Variants in BTBD9 observed in about 807,000 individuals in gnomAD.
BTBD9 encodes the protein BTB/POZ domain-containing protein 9.
BTBD9 carries 49 observed loss-of-function variants against 64.3 expected under a neutral mutation model. The ratio of observed to expected loss-of-function variants is 0.76; its 90% confidence interval spans 0.61 to 0.97. The LOEUF (loss-of-function observed/expected upper bound fraction) is 0.97, where lower values mean the gene tolerates loss of function less well. BTBD9 is among the 50% of genes least tolerant of loss of function. The pLI, the probability that BTBD9 is intolerant of heterozygous loss-of-function variation, is 0.00. For synonymous variants in BTBD9, 260 were observed against 274.7 expected, an observed-to-expected ratio of 0.95 and a Z score of 0.53; for missense variants, 598 against 762.1, an observed-to-expected ratio of 0.78 and a Z score of 2.53.
chr6:38,399,661 C>T (rs76280722), intron 6 of BTBD9, among the ~76,000 whole-genome samples: 1,970 of 152,208 alleles, frequency 0.013, 44 homozygotes, highest in African/African-American at 0.045. Context: ...GAACCCATAG[C>T]TGCCTAGAAT....
intron 7 of BTBD9, among the ~76,000 whole-genome samples, chr6:38,341,579 A>G (rs1011667597): frequency 6.6e-6 from 1 of 152,262 alleles, no homozygotes; most frequent in African/African-American, 2.4e-5. Context: ...CAAAAAGCAG[A>G]AAAACTTGGC....
intron 7 of BTBD9, among the ~76,000 whole-genome samples, chr6:38,321,857 C>T (rs1763247909): frequency 6.6e-6 from 1 of 151,770 alleles, no homozygotes. Context: ...CTACACACCA[C>T]ACATATTTAC....
chr6:38,303,600 C>G (rs1353682861), intron 7 of BTBD9, among the ~76,000 whole-genome samples: 1 of 151,796 alleles, frequency 6.6e-6, no homozygotes, highest in Non-Finnish European at 1.5e-5. Context: ...TCCACCTACG[C>G]TATGCCTTAC....
intron 8 of BTBD9, among the ~76,000 whole-genome samples, chr6:38,267,941 A>AAAAAC (rs1229859467): frequency 6.6e-6 from 1 of 152,192 alleles, no homozygotes; most frequent in Non-Finnish European, 1.5e-5. Flanking sequence ...CTCCGTCTCA[A>AAAAAC]AAAACAAAAC....
chr6:38,315,306 C>T (rs1031633110), intron 7 of BTBD9, among the ~76,000 whole-genome samples: 1 of 152,170 alleles, frequency 6.6e-6, no homozygotes, highest in Non-Finnish European at 1.5e-5. Flanking sequence ...TTTATTCTCT[C>T]TTTTCTTCTA....
chr6:38,497,888 A>G (rs917469675), intron 6 of BTBD9, among the ~76,000 whole-genome samples: 80 of 152,232 alleles, frequency 5.3e-4, no homozygotes, highest in African/African-American at 1.9e-3. Flanking sequence ...GGCTACAGTC[A>G]AACTGCAAGC....
At chr6:38,361,773 G>A (rs2127598368) in intron 6 of BTBD9, among the ~76,000 whole-genome samples, 1 of 150,210 alleles carries the variant, frequency 6.7e-6, no homozygotes, top group East Asian at 2.0e-4. Context: ...CCAGGAGGCA[G>A]AATTTGCAGT....
chr6:38,468,339 A>C (rs1459803143), intron 6 of BTBD9, among the ~76,000 whole-genome samples: 6 of 152,184 alleles, frequency 3.9e-5, no homozygotes, highest in Non-Finnish European at 5.9e-5. Context: ...AACATTCCCT[A>C]CATACCTCGC....
At chr6:38,485,024 T>C (rs1771332950) in intron 6 of BTBD9, among the ~76,000 whole-genome samples, 1 of 152,250 alleles carries the variant, frequency 6.6e-6, no homozygotes, top group Admixed American at 6.5e-5. Context: ...TCTTTCAAAA[T>C]TGAGGTCAAT....
chr6:38,556,093 C>G (rs976561286), intron 6 of BTBD9, among the ~76,000 whole-genome samples: 1 of 152,150 alleles, frequency 6.6e-6, no homozygotes, highest in African/African-American at 2.4e-5. Context: ...AATGAATATT[C>G]AGCTAACAAG....
chr6:38,495,198 ATC>A (rs1771897398), intron 6 of BTBD9, among the ~76,000 whole-genome samples: 1 of 152,216 alleles, frequency 6.6e-6, no homozygotes, highest in South Asian at 2.1e-4. Flanking sequence ...GGCAAATAAC[ATC>A]TCTGTGTTTC....
At chr6:38,405,429 G>T (rs1340272191) in intron 6 of BTBD9, among the ~76,000 whole-genome samples, 2 of 152,134 alleles carry the variant, frequency 1.3e-5, no homozygotes, top group African/African-American at 2.4e-5. Context: ...AAGCTAAATT[G>T]CTATGACCTG....
chr6:38,442,363 G>A (rs1769072200), intron 6 of BTBD9, among the ~76,000 whole-genome samples: 1 of 152,060 alleles, frequency 6.6e-6, no homozygotes, highest in South Asian at 2.1e-4. Context: ...GTGCCTGCCT[G>A]TAGTCCCAGC....
At chr6:38,416,501 ATTTTTTTT>A (rs70981549) in intron 6 of BTBD9, among the ~76,000 whole-genome samples, 2 of 86,772 alleles carry the variant, frequency 2.3e-5, no homozygotes, top group African/African-American at 4.8e-5. Context: ...TGCCCAGCTA[ATTTTTTTT>A]TTTTTTTTTT....
intron 9 of BTBD9, among the ~76,000 whole-genome samples, chr6:38,210,219 G>T (rs1039867154): frequency 1.3e-5 from 2 of 152,122 alleles, no homozygotes; most frequent in African/African-American, 4.8e-5. Flanking sequence ...CTTACATCCT[G>T]CTAGCCCGTC....
At chr6:38,580,533 T>C in intron 4 of BTBD9, 96 bp from the exon 5 acceptor site, 1 of 1,016,692 alleles carries the variant, frequency 9.8e-7, no homozygotes, top group Non-Finnish European at 1.5e-6. Flanking sequence ...TTTATTCTAG[T>C]ATCTGCATTT....
intron 8 of BTBD9, among the ~76,000 whole-genome samples, chr6:38,278,597 T>C (rs2127549227): frequency 6.6e-6 from 1 of 152,310 alleles, no homozygotes; most frequent in East Asian, 1.9e-4. Flanking sequence ...GTTGTCCTAC[T>C]CCTGATGGAG....
chr6:38,447,761 T>G (rs1769342444), intron 6 of BTBD9, among the ~76,000 whole-genome samples: 1 of 152,218 alleles, frequency 6.6e-6, no homozygotes, highest in Admixed American at 6.5e-5. Context: ...ACCAGCCTCT[T>G]TATTGGAAGA....
intron 6 of BTBD9, among the ~76,000 whole-genome samples, chr6:38,555,762 CT>C (rs1774985296): frequency 6.6e-6 from 1 of 152,196 alleles, no homozygotes; most frequent in African/African-American, 2.4e-5. Flanking sequence ...TGGTCTCATG[CT>C]GCCAGAATTT....
Sources: gnomAD v4.1 joint callset for allele counts (sites outside exome capture counted in the v4.1 genomes callset) on GRCh38, gnomAD v4.1.1 for gene constraint, MANE v1.5 for transcripts, NCBI Gene and HGNC (gene_info 2026-07-23, HGNC 2026-07-21) for gene names.